The following SCFD2 variants were observed in gnomAD, a reference collection of about 807,000 sequenced individuals.
The protein encoded by SCFD2 is sec1 family domain containing 2.
In SCFD2, 54 loss-of-function variants were observed where a neutral mutation model predicts 58.9. The ratio of observed to expected loss-of-function variants is 0.92; its 90% CI spans 0.74 to 1.15. SCFD2 has a LOEUF of 1.15. Among genes scored for constraint, SCFD2 ranks in the 50% most tolerant of loss-of-function variants. SCFD2 has a pLI of 0.00. For synonymous variants in SCFD2, 321 were observed against 335.9 expected (o/e 0.96, Z 0.49); for missense variants, 805 against 836.6 (o/e 0.96, Z 0.47).
At chr4:53,320,749 T>C (rs1050523913) in intron 2 of SCFD2, among the ~76,000 whole-genome samples, 1 of 152,228 alleles carries the variant, frequency 6.6e-6, no homozygotes, top group Non-Finnish European at 1.5e-5. Context: ...ATTTCTTTTA[T>C]TAAACCTCTT....
Position 53,160,751 on chromosome 4 carries a change from G to A in SCFD2, c.1312-15169C>T, listed in dbSNP as rs190875656. Among the ~76,000 whole-genome samples the A allele has an allele frequency of 2.5e-3, 377 of 152,262 alleles. 2 individuals carry two copies. Among genetic ancestry groups the A allele is most frequent in the Non-Finnish European group, 4.8e-3 (328 of 68,016 alleles). On this transcript the variant is annotated intron_variant, in intron 4 of 8. Coordinates refer to ENST00000401642, the MANE Select transcript of SCFD2 (RefSeq NM_152540.4). Reference sequence around the variant, plus strand: ...CAAGAAAACTTAATAGACAGGATAAGCAGATGAAAATAAACACAGAAAGGT... The same window carrying A: ...CAAGAAAACTTAATAGACAGGATAAACAGATGAAAATAAACACAGAAAGGT...
chr4:53,107,296 C>T (rs950433186), intron 5 of SCFD2, among the ~76,000 whole-genome samples: 1 of 152,122 alleles, frequency 6.6e-6, no homozygotes, highest in Non-Finnish European at 1.5e-5. Flanking sequence ...ACACCATTGA[C>T]ACTATGAAGA....
intron 2 of SCFD2, among the ~76,000 whole-genome samples, chr4:53,328,575 A>C (rs1733296284): frequency 6.6e-6 from 1 of 152,266 alleles, no homozygotes; most frequent in Admixed American, 6.5e-5. Context: ...ATGCTAATAT[A>C]CACATAAAAA....
intron 5 of SCFD2, among the ~76,000 whole-genome samples, chr4:53,115,312 A>G (rs1256984434): frequency 6.6e-6 from 1 of 152,146 alleles, no homozygotes; most frequent in Non-Finnish European, 1.5e-5. Flanking sequence ...AAAGAACATG[A>G]TAAGATTAAC....
intron 4 of SCFD2, among the ~76,000 whole-genome samples, chr4:53,230,323 G>GT (rs1213530116): frequency 1.3e-5 from 2 of 152,136 alleles, no homozygotes; most frequent in Admixed American, 6.6e-5. Context: ...ACATGCACAT[G>GT]TATGTTTATT....
intron 5 of SCFD2, among the ~76,000 whole-genome samples, chr4:53,125,154 A>T: frequency 6.6e-6 from 1 of 152,198 alleles, no homozygotes; most frequent in Non-Finnish European, 1.5e-5. Context: ...AAAGGCAGTG[A>T]CATATGAGTT....
intron 5 of SCFD2, among the ~76,000 whole-genome samples, chr4:53,142,849 T>C (rs1315218239): frequency 6.6e-6 from 1 of 152,032 alleles, no homozygotes; most frequent in Non-Finnish European, 1.5e-5. Context: ...GCTGAAAAAA[T>C]GTGTGTGTGT....
intron 5 of SCFD2, among the ~76,000 whole-genome samples, chr4:53,103,768 T>TAAAAAAAAAAAAAA (rs35959095): frequency 2.9e-5 from 1 of 34,028 alleles, no homozygotes; most frequent in Non-Finnish European, 4.9e-5. Context: ...AGTAAGGAAG[T>TAAAAAAAAAAAAAA]AAAAAAAAAA....
At chr4:53,316,038 C>G (rs1732852140) in intron 2 of SCFD2, among the ~76,000 whole-genome samples, 1 of 152,176 alleles carries the variant, frequency 6.6e-6, no homozygotes, top group African/African-American at 2.4e-5. Context: ...CTACAAATCT[C>G]TCTCTCCCTC....
At chr4:53,330,638 A>C (rs1285986560) in intron 2 of SCFD2, among the ~76,000 whole-genome samples, 3 of 152,176 alleles carry the variant, frequency 2.0e-5, no homozygotes, top group Non-Finnish European at 4.4e-5. Flanking sequence ...CCGCTGCAAA[A>C]TCATGCCAAA....
chr4:53,084,693 CATGATCAA>C (rs1478977517), intron 5 of SCFD2, among the ~76,000 whole-genome samples: 1 of 152,180 alleles, frequency 6.6e-6, no homozygotes, highest in African/African-American at 2.4e-5. Context: ...CACAACACAT[CATGATCAA>C]ATGGGATTTA....
intron 5 of SCFD2, among the ~76,000 whole-genome samples, chr4:53,050,652 A>T (rs1019586482): frequency 3.3e-5 from 5 of 152,178 alleles, no homozygotes; most frequent in African/African-American, 1.2e-4. Context: ...CCCATTCTCC[A>T]CATTGAGGTC....
intron 5 of SCFD2, among the ~76,000 whole-genome samples, chr4:53,128,390 T>C (rs1462476750): frequency 6.6e-6 from 1 of 152,158 alleles, no homozygotes; most frequent in Non-Finnish European, 1.5e-5. Flanking sequence ...TCAAAAGCCA[T>C]TAAATGTTCA....
intron 4 of SCFD2, among the ~76,000 whole-genome samples, chr4:53,262,948 TA>T (rs1231791873): frequency 6.6e-6 from 1 of 152,148 alleles, no homozygotes; most frequent in Non-Finnish European, 1.5e-5. Context: ...GTTCATTTTT[TA>T]AAATTATTTT....
At chr4:52,941,880 A>C (rs1196241955) in intron 5 of SCFD2, among the ~76,000 whole-genome samples, 1 of 152,212 alleles carries the variant, frequency 6.6e-6, no homozygotes, top group Non-Finnish European at 1.5e-5. Context: ...GAATGTTTGC[A>C]TGATACTTAC....
chr4:53,085,095 T>C (rs1381866732), intron 5 of SCFD2, among the ~76,000 whole-genome samples: 1 of 152,272 alleles, frequency 6.6e-6, no homozygotes, highest in Non-Finnish European at 1.5e-5. Context: ...AGAAGTCAAA[T>C]TATCCTTGTT....
At chr4:53,174,834 A>G (rs1408753693) in intron 4 of SCFD2, among the ~76,000 whole-genome samples, 1 of 152,238 alleles carries the variant, frequency 6.6e-6, no homozygotes, top group African/African-American at 2.4e-5. Flanking sequence ...GTCTTCAGTC[A>G]AAAGAAATGA....
At chr4:53,352,319 G>A (rs796223914) in intron 2 of SCFD2, among the ~76,000 whole-genome samples, 8 of 152,184 alleles carry the variant, frequency 5.3e-5, no homozygotes, top group African/African-American at 1.9e-4. Context: ...TCTGTGAAAT[G>A]GAGATACATA....
At chr4:53,126,221 T>C (rs559584530) in intron 5 of SCFD2, among the ~76,000 whole-genome samples, 1 of 152,362 alleles carries the variant, frequency 6.6e-6, no homozygotes, top group South Asian at 2.1e-4. Flanking sequence ...AGATGCACAG[T>C]TGTTCTTCCA....
Sources: allele counts gnomAD v4.1 joint callset (sites outside exome capture counted in the v4.1 genomes callset), GRCh38; gene constraint gnomAD v4.1.1; transcripts MANE v1.5; gene names NCBI Gene and HGNC (gene_info 2026-07-23, HGNC 2026-07-21).